The following BLTP3A variants were observed in gnomAD, a reference collection of about 807,000 sequenced individuals.
BLTP3A encodes bridge-like lipid transfer protein family member 3A.
At chr6:34,820,803 C>T in the BLTP3A span, among the ~76,000 whole-genome samples, 2 of 143,748 alleles carry the variant, frequency 1.4e-5, no homozygotes, top group South Asian at 4.5e-4. Flanking sequence ...AGGCATGCAC[C>T]ACCATGCCTA....
chr6:34,871,902 A>C, the BLTP3A span: 4 of 1,614,086 alleles, frequency 2.5e-6, no homozygotes, highest in Non-Finnish European at 3.4e-6. Context: ...TTTGGTGCCC[A>C]CAGGAGAGGT....
At chr6:34,839,253 T>C in the BLTP3A span, among the ~76,000 whole-genome samples, 3 of 152,084 alleles carry the variant, frequency 2.0e-5, no homozygotes, top group Admixed American at 6.6e-5. Context: ...TCCATCTAGA[T>C]AGACATTTTA....
At chr6:34,857,680 A>G in the BLTP3A span, 8 of 1,574,364 alleles carry the variant, frequency 5.1e-6, no homozygotes, top group African/African-American at 9.5e-5. Flanking sequence ...GAGCCTAGCT[A>G]TTGCTTTTTA....
At chr6:34,818,682 C>T in the BLTP3A span, among the ~76,000 whole-genome samples, 5 of 152,148 alleles carry the variant, frequency 3.3e-5, no homozygotes, top group African/African-American at 9.7e-5. Context: ...GTCGACCCCT[C>T]CCCTTACCCC....
chr6:34,836,559 CAT>C, the BLTP3A span, among the ~76,000 whole-genome samples: 5 of 152,206 alleles, frequency 3.3e-5, no homozygotes, highest in Admixed American at 6.5e-5. Flanking sequence ...AGTAGAACCA[CAT>C]GTCATACTTA....
the BLTP3A span, among the ~76,000 whole-genome samples, chr6:34,864,738 C>T: frequency 6.6e-6 from 1 of 151,878 alleles, no homozygotes; most frequent in Non-Finnish European, 1.5e-5. Context: ...GAGGCCGAGG[C>T]GGGTGGATCA....
At chr6:34,825,752 A>G in the BLTP3A span, among the ~76,000 whole-genome samples, 6 of 152,340 alleles carry the variant, frequency 3.9e-5, no homozygotes, top group East Asian at 9.6e-4. Flanking sequence ...AACATAAGCA[A>G]TCAGACCATA....
At chr6:34,832,482 C>T in the BLTP3A span, among the ~76,000 whole-genome samples, 2 of 151,366 alleles carry the variant, frequency 1.3e-5, no homozygotes, top group African/African-American at 4.9e-5. Flanking sequence ...GTCACCCTGG[C>T]TTGAGTGCAG....
At chr6:34,829,964 C>T in the BLTP3A span, among the ~76,000 whole-genome samples, 1 of 152,014 alleles carries the variant, frequency 6.6e-6, no homozygotes. Context: ...GCCATCACGC[C>T]TCACTGATTT....
chr6:34,805,536 T>C, the BLTP3A span, among the ~76,000 whole-genome samples: 2 of 147,332 alleles, frequency 1.4e-5, no homozygotes, highest in Non-Finnish European at 3.0e-5. Flanking sequence ...GAGGTTGCAG[T>C]GAGCCTAGAT....
chr6:34,807,320 G>A, the BLTP3A span, among the ~76,000 whole-genome samples: 31 of 150,878 alleles, frequency 2.1e-4, no homozygotes, highest in East Asian at 1.4e-3. Context: ...AAATGAAAGC[G>A]GGTAGAGGGT....
chr6:34,872,397 C>G, the BLTP3A span: 4 of 1,612,930 alleles, frequency 2.5e-6, no homozygotes, highest in Non-Finnish European at 3.4e-6. Flanking sequence ...AGAAAAACTT[C>G]TTCAGGAGAT....
the BLTP3A span, among the ~76,000 whole-genome samples, chr6:34,862,833 CAA>C: frequency 3.8e-5 from 4 of 105,576 alleles, no homozygotes; most frequent in South Asian, 3.1e-4. Context: ...GACTCCATCT[CAA>C]AAAAAAAAAA....
the BLTP3A span, among the ~76,000 whole-genome samples, chr6:34,847,901 T>G: frequency 2.1e-5 from 3 of 145,394 alleles, no homozygotes; most frequent in Admixed American, 6.9e-5. Context: ...ACTTGAAATT[T>G]TTCTACTTTT....
chr6:34,842,873 A>G, the BLTP3A span, among the ~76,000 whole-genome samples: 1 of 152,162 alleles, frequency 6.6e-6, no homozygotes, highest in Non-Finnish European at 1.5e-5. Flanking sequence ...GTGGCTTGCA[A>G]CTGCCTGTTG....
the BLTP3A span, among the ~76,000 whole-genome samples, chr6:34,796,468 A>C: frequency 6.6e-6 from 1 of 152,234 alleles, no homozygotes; most frequent in Non-Finnish European, 1.5e-5. Context: ...TGCTCAATGC[A>C]AATAGCTTTA....
At chr6:34,798,588 TTCTTTC>T in the BLTP3A span, among the ~76,000 whole-genome samples, 1 of 135,650 alleles carries the variant, frequency 7.4e-6, no homozygotes, top group Non-Finnish European at 1.6e-5. Flanking sequence ...TTAATTTTCT[TTCTTTC>T]TTTTTTTTTT....
chr6:34,855,569 G>A, the BLTP3A span: 270 of 1,604,216 alleles, frequency 1.7e-4, 1 homozygote, highest in African/African-American at 3.1e-3. Context: ...TGGTGGTTTG[G>A]CTTCTTTGTT....
the BLTP3A span, chr6:34,834,220 A>G: frequency 1.9e-6 from 3 of 1,613,580 alleles, no homozygotes; most frequent in Non-Finnish European, 2.5e-6. Flanking sequence ...GTTGTAGTGA[A>G]TATGGCTTTG....
Sources: allele counts gnomAD v4.1 joint callset (sites outside exome capture counted in the v4.1 genomes callset), GRCh38; gene constraint gnomAD v4.1.1; transcripts MANE v1.5; gene names NCBI Gene and HGNC (gene_info 2026-07-23, HGNC 2026-07-21).